ANKS1B: variants seen among roughly 807,000 people sequenced by gnomAD.
The protein encoded by ANKS1B is ankyrin repeat and sterile alpha motif domain-containing protein 1B.
ANKS1B carries 36 observed loss-of-function variants against 148.3 expected under a neutral mutation model. The ratio of observed to expected loss-of-function variants is 0.24; its 90% confidence interval spans 0.19 to 0.32. The LOEUF (loss-of-function observed/expected upper bound fraction) is 0.32, where lower values mean the gene tolerates loss of function less well. Among genes scored for constraint, ANKS1B ranks in the 10% least tolerant of loss-of-function variants. ANKS1B has a pLI of 1.00. For synonymous variants in ANKS1B, 542 were observed against 560.8 expected (o/e 0.97, Z 0.47); for missense variants, 1,157 against 1,542.6 (o/e 0.75, Z 4.19).
rs539720622 is a variant in ANKS1B at position 99,637,940 on chromosome 12, G to C, written c.1272+17127C>G. Among the ~76,000 whole-genome samples the C allele has an allele frequency of 1.9e-4, 29 of 152,000 alleles. 1 individual carries two copies. Among genetic ancestry groups the C allele is most frequent in the African/African-American group, 7.0e-4 (29 of 41,468 alleles). The stretch of plus-strand genomic sequence containing the variant: ...AACCCTAATACACCATGTGTCATGG[G>C]AGGGACCTGGTGGGAGGTAATTAAA... On this transcript the variant is annotated intron_variant, in intron 9 of 26. Transcript: ENST00000683438.
At chr12:99,289,423 C>T (rs961186823) in intron 12 of ANKS1B, among the ~76,000 whole-genome samples, 5 of 151,978 alleles carry the variant, frequency 3.3e-5, no homozygotes, top group African/African-American at 1.2e-4. Flanking sequence ...AAATGGACAT[C>T]ATAGATATGT....
At chr12:99,820,290 C>G (rs2082350733) in intron 2 of ANKS1B, among the ~76,000 whole-genome samples, 1 of 151,892 alleles carries the variant, frequency 6.6e-6, no homozygotes, top group Non-Finnish European at 1.5e-5. Flanking sequence ...TGTGGATTAA[C>G]TAGCATTGAT....
rs1029039771 is a variant in ANKS1B at position 99,765,259 on chromosome 12, T to G, written c.1128+7663A>C. Among the ~76,000 whole-genome samples, 17 of 152,340 alleles carry G rather than the reference T, an allele frequency of 1.1e-4. No homozygotes were observed. In the East Asian group the frequency reaches 3.3e-3, roughly 29 times the overall value. On this transcript the variant is annotated intron_variant, in intron 8 of 26. Transcript: ENST00000683438. ...AATGATTTTTAACATGTTTACACAA[T>G]GCCTAGCATGTAGTGAAAATTTAGT...
chr12:99,115,953 A>AT (rs1491043073), intron 15 of ANKS1B, among the ~76,000 whole-genome samples: 3 of 149,616 alleles, frequency 2.0e-5, no homozygotes, highest in African/African-American at 7.4e-5. Context: ...AAAAAAAAAA[A>AT]AGATGCTCTT....
intron 9 of ANKS1B, among the ~76,000 whole-genome samples, chr12:99,509,389 C>A (rs2096741840): frequency 6.6e-6 from 1 of 151,798 alleles, no homozygotes; most frequent in African/African-American, 2.4e-5. Context: ...AGGAAAAGTT[C>A]TTGAAGGAAA....
intron 1 of ANKS1B, among the ~76,000 whole-genome samples, chr12:99,840,990 G>A (rs1426366893): frequency 6.6e-6 from 1 of 152,040 alleles, no homozygotes; most frequent in Non-Finnish European, 1.5e-5. Context: ...ACAAAAAGGT[G>A]GAATAGCATA....
intron 12 of ANKS1B, among the ~76,000 whole-genome samples, chr12:99,346,168 A>G (rs2090641423): frequency 2.0e-5 from 3 of 151,982 alleles, no homozygotes; most frequent in Admixed American, 2.0e-4. Flanking sequence ...AGTCTCCACA[A>G]TGCTGATTGG....
intron 12 of ANKS1B, among the ~76,000 whole-genome samples, chr12:99,350,943 G>A (rs1344650269): frequency 6.6e-6 from 1 of 152,072 alleles, no homozygotes; most frequent in Non-Finnish European, 1.5e-5. Context: ...CTCAGTCACA[G>A]CTCTCAAGTA....
intron 10 of ANKS1B, among the ~76,000 whole-genome samples, chr12:99,451,971 CTAAG>C (rs1167495040): frequency 1.3e-5 from 2 of 152,104 alleles, no homozygotes; most frequent in African/African-American, 4.8e-5. Flanking sequence ...ACTTGCATCA[CTAAG>C]TAATCATCAA....
intron 12 of ANKS1B, among the ~76,000 whole-genome samples, chr12:99,333,811 T>C (rs964867539): frequency 1.3e-5 from 2 of 149,692 alleles, no homozygotes; most frequent in Non-Finnish European, 3.0e-5. Context: ...CTGATTCCAC[T>C]AGGTGGTAGG....
At chr12:98,760,562 CA>C (rs1322621257) in intron 25 of ANKS1B, among the ~76,000 whole-genome samples, 1 of 152,158 alleles carries the variant, frequency 6.6e-6, no homozygotes, top group Non-Finnish European at 1.5e-5. Context: ...TACTTTCCAG[CA>C]AAATCTGGAA....
chr12:98,820,785 G>A (rs868499607), intron 19 of ANKS1B, among the ~76,000 whole-genome samples: 2 of 152,248 alleles, frequency 1.3e-5, no homozygotes, highest in South Asian at 4.2e-4. Context: ...GAGCTTCTTG[G>A]ACAGTGTTTG....
chr12:99,199,588 G>C (rs961255829), intron 14 of ANKS1B, among the ~76,000 whole-genome samples: 1 of 151,906 alleles, frequency 6.6e-6, no homozygotes, highest in African/African-American at 2.4e-5. Flanking sequence ...TACTATTGAG[G>C]CACCTGAAAT....
At chr12:98,777,528 G>A (rs1344788623) in intron 24 of ANKS1B, among the ~76,000 whole-genome samples, 4 of 152,184 alleles carry the variant, frequency 2.6e-5, no homozygotes, top group Non-Finnish European at 4.4e-5. Context: ...AGAAGGGTCC[G>A]TTACTAAACA....
At chr12:99,460,487 A>G (rs1275653346) in intron 10 of ANKS1B, among the ~76,000 whole-genome samples, 1 of 152,140 alleles carries the variant, frequency 6.6e-6, no homozygotes, top group Admixed American at 6.5e-5. Flanking sequence ...CAACCCACAG[A>G]GTGGGAGAAA....
intron 9 of ANKS1B, among the ~76,000 whole-genome samples, chr12:99,577,854 G>A (rs10860469): frequency 0.23 from 34,517 of 151,948 alleles, 4,013 homozygotes; most frequent in African/African-American, 0.25. Flanking sequence ...TAAGGAGGAG[G>A]GACTCCTTCC....
At chr12:99,368,687 A>C (rs1413108071) in intron 12 of ANKS1B, among the ~76,000 whole-genome samples, 1 of 152,096 alleles carries the variant, frequency 6.6e-6, no homozygotes, top group Non-Finnish European at 1.5e-5. Flanking sequence ...AAAAATTCAC[A>C]ATTTTACAGT....
At chr12:99,098,198 C>G (rs2056837121) in intron 15 of ANKS1B, among the ~76,000 whole-genome samples, 1 of 152,160 alleles carries the variant, frequency 6.6e-6, no homozygotes. Context: ...TGAGATCACA[C>G]AGTAAGTGGC....
At chr12:99,097,218 A>G (rs2056466762) in intron 15 of ANKS1B, 1 of 152,194 alleles carries the variant, frequency 6.6e-6, no homozygotes, top group Admixed American at 6.5e-5. Flanking sequence ...TGAGCTGGAA[A>G]TTCTAATATG....
Sources: allele counts gnomAD v4.1 joint callset (sites outside exome capture counted in the v4.1 genomes callset), GRCh38; gene constraint gnomAD v4.1.1; transcripts MANE v1.5; gene names NCBI Gene and HGNC (gene_info 2026-07-23, HGNC 2026-07-21).